The following KIAA1217 variants were observed in gnomAD, a reference collection of about 807,000 sequenced individuals.
KIAA1217 encodes the protein sickle tail protein homolog.
KIAA1217 carries 88 observed loss-of-function variants against 163.9 expected under a neutral mutation model. The ratio of observed to expected loss-of-function variants is 0.54; its 90% CI spans 0.45 to 0.64. KIAA1217 has a LOEUF of 0.64. Among genes scored for constraint, KIAA1217 ranks in the 30% least tolerant of loss-of-function variants. The probability of loss-of-function intolerance (pLI) is 0.00; values close to 1 mark genes in which losing one functional copy is unlikely to be tolerated. For missense variants in KIAA1217, 2,372 were observed against 2,475.0 expected, an observed-to-expected ratio of 0.96 and a Z score of 0.88; for synonymous variants, 903 against 923.1, an observed-to-expected ratio of 0.98 and a Z score of 0.39.
intron 1 of KIAA1217, among the ~76,000 whole-genome samples, chr10:23,801,861 C>A (rs1836482797): frequency 6.6e-6 from 1 of 152,196 alleles, no homozygotes; most frequent in African/African-American, 2.4e-5. Context: ...CAGGACAAAG[C>A]TTTTTGACAA....
At chr10:24,450,341 A>G (rs971196016) in intron 5 of KIAA1217, among the ~76,000 whole-genome samples, 2 of 152,230 alleles carry the variant, frequency 1.3e-5, no homozygotes, top group African/African-American at 4.8e-5. Flanking sequence ...TCTGTATGAA[A>G]TCACATTAAA....
intron 1 of KIAA1217, among the ~76,000 whole-genome samples, chr10:23,771,291 A>G (rs1834783993): frequency 6.6e-6 from 1 of 152,104 alleles, no homozygotes; most frequent in Admixed American, 6.6e-5. Flanking sequence ...CTTTTAAACC[A>G]TTTCCTCTTA....
At chr10:23,905,581 C>T (rs1842126672) in intron 1 of KIAA1217, among the ~76,000 whole-genome samples, 1 of 152,080 alleles carries the variant, frequency 6.6e-6, no homozygotes, top group Non-Finnish European at 1.5e-5. Flanking sequence ...CGCTACATTG[C>T]CTCTGAAAGA....
chr10:24,172,040 GA>G (rs1564786495), intron 2 of KIAA1217, among the ~76,000 whole-genome samples: 1 of 152,152 alleles, frequency 6.6e-6, no homozygotes, highest in Non-Finnish European at 1.5e-5. Context: ...CAAATGGCTT[GA>G]CAGAGATCAT....
chr10:24,025,325 A>G (rs921894555), intron 2 of KIAA1217, among the ~76,000 whole-genome samples: 2 of 151,824 alleles, frequency 1.3e-5, no homozygotes, highest in African/African-American at 2.4e-5. Context: ...AATTGACCAC[A>G]TATGTGTGGG....
At chr10:24,403,834 TA>T (rs1019786042) in intron 3 of KIAA1217, among the ~76,000 whole-genome samples, 4 of 151,736 alleles carry the variant, frequency 2.6e-5, no homozygotes, top group African/African-American at 9.7e-5. Flanking sequence ...ATAGTTCAAA[TA>T]AAAAAAATAG....
At chr10:23,701,240 T>C (rs1402761696) in intron 1 of KIAA1217, among the ~76,000 whole-genome samples, 2 of 152,208 alleles carry the variant, frequency 1.3e-5, no homozygotes, top group African/African-American at 4.8e-5. Flanking sequence ...TTTTTGGAAA[T>C]GACTTTGAAG....
Position 24,001,787 on chromosome 10 carries a change from A to T in KIAA1217, c.-320-5438A>T, listed in dbSNP as rs184565862. Among the ~76,000 whole-genome samples, 20 of 152,226 alleles carry T rather than the reference A, an allele frequency of 1.3e-4. No individual in the cohort carries two copies. In the East Asian group the frequency reaches 2.9e-3, roughly 22 times the overall value. ...TCTAAACTCAAACCCTGAGCATCTC[A>T]TCTGGAGGGCACACTCTTAGCCACT... On this transcript the variant is annotated intron_variant, in intron 1 of 18. Coordinates refer to the KIAA1217 transcript ENST00000376462.
chr10:24,487,646 GT>G (rs5783893), intron 6 of KIAA1217, among the ~76,000 whole-genome samples: 149,954 of 152,220 alleles, frequency 0.99, 73,921 homozygotes, highest in Middle Eastern at 1. Flanking sequence ...ATTTTTGCCT[GT>G]TTTTTTTACA....
intron 3 of KIAA1217, among the ~76,000 whole-genome samples, chr10:24,392,719 A>T (rs560122619): frequency 6.6e-6 from 1 of 152,224 alleles, no homozygotes; most frequent in Non-Finnish European, 1.5e-5. Context: ...CGGGAATGAC[A>T]TTGGAAATTT....
intron 16 of KIAA1217, 58 bp from the exon 17 acceptor site, chr10:24,536,716 C>T: frequency 6.3e-7 from 1 of 1,577,542 alleles, no homozygotes; most frequent in Non-Finnish European, 8.7e-7. Context: ...TGCCTGTTTC[C>T]CTCCATTCTC....
At chr10:24,520,627 C>CAAAAAAAA (rs71472812) in intron 11 of KIAA1217, among the ~76,000 whole-genome samples, 16 of 44,934 alleles carry the variant, frequency 3.6e-4, no homozygotes, top group East Asian at 1.1e-3. Flanking sequence ...ACATCTCTAC[C>CAAAAAAAA]AAAAAAAAAA....
intron 1 of KIAA1217, among the ~76,000 whole-genome samples, chr10:23,882,286 C>A (rs138899383): frequency 1.3e-5 from 2 of 151,972 alleles, no homozygotes; most frequent in African/African-American, 4.8e-5. Flanking sequence ...TGTGAAGACA[C>A]CCTCAGTATC....
At chr10:24,129,062 A>G (rs1177589398) in intron 2 of KIAA1217, among the ~76,000 whole-genome samples, 3 of 152,162 alleles carry the variant, frequency 2.0e-5, no homozygotes, top group African/African-American at 7.2e-5. Flanking sequence ...CTGAAGTCAT[A>G]TGGGATGAAG....
rs191134576 is a variant in KIAA1217, at chr10:24,389,884, C to A, written c.553+8817C>A. On this transcript the variant is annotated intron_variant, in intron 3 of 20. Transcript: ENST00000376454. The stretch of plus-strand genomic sequence containing the variant: ...CCCAGGGCACGGCCACCAGCTTGAT[C>A]GGGTTGAGACTGCTGGGGCAGGCAT... Among the ~76,000 whole-genome samples, 36 of 144,932 alleles carry A rather than the reference C, an allele frequency of 2.5e-4. No individual in the cohort carries two copies. The East Asian group carries it at 3.9e-3, about 16-fold the overall frequency.
chr10:24,100,081 C>A (rs1229414183), intron 2 of KIAA1217, among the ~76,000 whole-genome samples: 1 of 152,048 alleles, frequency 6.6e-6, no homozygotes, highest in Admixed American at 6.6e-5. Flanking sequence ...CCTCTCCTGT[C>A]TTCACTATAG....
intron 1 of KIAA1217, among the ~76,000 whole-genome samples, chr10:23,918,457 C>T (rs1842712485): frequency 6.6e-6 from 1 of 152,132 alleles, no homozygotes; most frequent in Non-Finnish European, 1.5e-5. Context: ...TTTCGGGAAG[C>T]TGTGTTTAGC....
intron 5 of KIAA1217, among the ~76,000 whole-genome samples, chr10:24,468,265 C>G (rs10828654): frequency 0.24 from 36,806 of 151,954 alleles, 4,833 homozygotes; most frequent in South Asian, 0.48. Context: ...TGGTAGGATT[C>G]CCAAGTTGTC....
intron 1 of KIAA1217, among the ~76,000 whole-genome samples, chr10:23,868,032 G>T (rs1190199177): frequency 6.6e-6 from 1 of 152,098 alleles, no homozygotes; most frequent in Non-Finnish European, 1.5e-5. Context: ...TTTGTATAAG[G>T]TGTAAGGAAG....
Sources: gnomAD v4.1 joint callset for allele counts (sites outside exome capture counted in the v4.1 genomes callset) on GRCh38, gnomAD v4.1.1 for gene constraint, MANE v1.5 for transcripts, NCBI Gene and HGNC (gene_info 2026-07-23, HGNC 2026-07-21) for gene names.